MAN2A1: variants seen among roughly 807,000 people sequenced by gnomAD.
MAN2A1 encodes mannosidase alpha class 2A member 1.
MAN2A1 carries 76 observed loss-of-function variants against 142.6 expected under a neutral mutation model. That is an observed-to-expected ratio of 0.53 (90% CI 0.44 to 0.65). The LOEUF is 0.65. MAN2A1 is among the 30% of genes least tolerant of loss of function. The pLI is 0.00. For synonymous variants in MAN2A1, 559 were observed against 473.2 expected (o/e 1.18, Z -2.35); for missense variants, 1,311 against 1,365.1 (o/e 0.96, Z 0.62).
chr5:109,722,859 T>G (rs1751643264), intron 3 of MAN2A1, among the ~76,000 whole-genome samples: 1 of 152,180 alleles, frequency 6.6e-6, no homozygotes, highest in Non-Finnish European at 1.5e-5. Context: ...GTCTGTCATA[T>G]TTTAGACAGT....
In MAN2A1 at chr5:109,869,019, GT is replaced by G. The variant is rs1269186966; in HGVS notation, c.*2025del. ...TGGATCTGTCCCATGTCAGTCTGGGGTTTTATTCAGCTTGTGTTGCTACCAG... is the reference window on the plus strand; with the variant it reads ...TGGATCTGTCCCATGTCAGTCTGGGGTTTATTCAGCTTGTGTTGCTACCAG... On this transcript the variant is annotated 3_prime_UTR_variant, in exon 22 of 22. Transcript: ENST00000261483. 6.6e-6 allele frequency: 1 copy of G among 152,194 alleles called. No individual in the cohort carries two copies. Among genetic ancestry groups the G allele is most frequent in the Non-Finnish European group, 1.5e-5 (1 of 68,038 alleles). 9.4% of individuals were successfully genotyped at this position (152,194 alleles called of 1,614,324 possible).
intron 18 of MAN2A1, 112 bp downstream of exon 18, chr5:109,846,118 T>C (rs1755339031): frequency 1.1e-5 from 10 of 939,836 alleles, no homozygotes; most frequent in South Asian, 3.3e-5. Flanking sequence ...CTGTCTTCTT[T>C]TCAGCTTTTT....
chr5:109,781,640 A>G lies in MAN2A1; in HGVS notation c.1577+42A>G, dbSNP rs766945051. ...ATAGCTACATGTATTTTTTCACTTT[A>G]TATTATCATAATCTTTTTGTAGAGT... On this transcript the variant is annotated intron_variant, in intron 9 of 21. Coordinates refer to ENST00000261483, the MANE Select transcript of MAN2A1 (RefSeq NM_002372.4). The G allele has an allele frequency of 1.4e-5, 18 of 1,329,922 alleles. No individual in the cohort carries two copies. In the East Asian group the frequency reaches 3.5e-4, roughly 26 times the overall value. The allele number at this position is 1,329,922 out of a possible 1,614,324, so 82.4% of individuals were successfully genotyped here.
chr5:109,786,819 C>G (rs962331423), intron 10 of MAN2A1, among the ~76,000 whole-genome samples: 3 of 151,806 alleles, frequency 2.0e-5, no homozygotes, highest in African/African-American at 7.3e-5. Flanking sequence ...CATTTGGCTG[C>G]GAGTAATAGC....
chr5:109,861,550 A>T (rs569642578), intron 20 of MAN2A1, among the ~76,000 whole-genome samples: 17 of 152,356 alleles, frequency 1.1e-4, no homozygotes, highest in Middle Eastern at 6.8e-3. Flanking sequence ...CATTGTGCCA[A>T]GTGCTTTACA....
chr5:109,867,148 G>T lies in MAN2A1; in HGVS notation c.*150G>T, dbSNP rs1580329486. The T allele has an allele frequency of 7.9e-4, 108 of 137,546 alleles. No homozygotes were observed. Among genetic ancestry groups the T allele is most frequent in the Middle Eastern group, 1.4e-3 (1 of 736 alleles). 8.5% of individuals were successfully genotyped at this position (137,546 alleles called of 1,614,324 possible). The stretch of plus-strand genomic sequence containing the variant: ...GGGTTTTTTCTTTTTTCTTTTACCA[G>T]TACAGTAAGAAAAAAAAAAAAAAAA... On this transcript the variant is annotated 3_prime_UTR_variant, in exon 22 of 22. Transcript: ENST00000261483.
At chr5:109,721,661 G>A (rs1265613029) in intron 3 of MAN2A1, among the ~76,000 whole-genome samples, 1 of 152,204 alleles carries the variant, frequency 6.6e-6, no homozygotes, top group Admixed American at 6.5e-5. Context: ...TCTAAAATAT[G>A]TGTATTGAGA....
At chr5:109,780,003 A>G (rs547343168) in intron 8 of MAN2A1, among the ~76,000 whole-genome samples, 1 of 152,192 alleles carries the variant, frequency 6.6e-6, no homozygotes, top group East Asian at 1.9e-4. Context: ...TTGTCTTTGC[A>G]GTGAATAAGT....
chr5:109,714,703 C>T (rs1322755344), intron 2 of MAN2A1, among the ~76,000 whole-genome samples: 1 of 152,188 alleles, frequency 6.6e-6, no homozygotes, highest in Non-Finnish European at 1.5e-5. Flanking sequence ...AATTATTTGG[C>T]TTCTGGCCTC....
chr5:109,832,073 G>A (rs1314449877), intron 16 of MAN2A1, among the ~76,000 whole-genome samples: 1 of 147,340 alleles, frequency 6.8e-6, no homozygotes, highest in Non-Finnish European at 1.5e-5. Flanking sequence ...AATGATATAT[G>A]ATTTTATTCT....
rs567815250 is a variant in MAN2A1, at chr5:109,864,360, A to G, written c.3172-676A>G. 5 of 152,336 alleles carry G rather than the reference A, an allele frequency of 3.3e-5. No individual in the cohort carries two copies. In the East Asian group the frequency reaches 9.6e-4, roughly 29 times the overall value. 9.4% of individuals were successfully genotyped at this position (152,336 alleles called of 1,614,324 possible). A position where few individuals can be genotyped will look rare whatever the true frequency, so the allele number is the denominator to read the frequency against. ...TGGATATGAGAAATTTTATTGCAAG[A>G]AAAGGTATACTGACCCTCTTAGCTG... On this transcript the variant is annotated intron_variant, in intron 20 of 21. Coordinates refer to ENST00000261483, the MANE Select transcript of MAN2A1 (RefSeq NM_002372.4).
At chr5:109,838,102 T>G (rs1473471747) in intron 16 of MAN2A1, among the ~76,000 whole-genome samples, 1 of 152,154 alleles carries the variant, frequency 6.6e-6, no homozygotes, top group Admixed American at 6.5e-5. Context: ...GACTGGAATC[T>G]ACAGCATCTA....
At position 109,817,338 on chromosome 5, in the gene MAN2A1, C is replaced by T; in HGVS notation, c.2009C>T (p.Ser670Phe). Reference protein sequence around the residue: ...RISLVSVYVSSPTVQVFSASG... With the variant: ...RISLVSVYVSFPTVQVFSASG... The stretch of plus-strand genomic sequence containing the variant: ...TCGTTGGTCTCAGTCTATGTGAGTT[C>T]CCCGACAGTGCAAGTGTTCTCTGCT... Residue 670 changes from serine (S) to phenylalanine (F), a missense_variant, in exon 13 of 22, where the codon TCC becomes TTC. Ser to Phe is a radical substitution (Grantham distance 155). Coordinates refer to ENST00000261483, the MANE Select transcript of MAN2A1 (RefSeq NM_002372.4). The T allele has an allele frequency of 6.2e-7, 1 of 1,614,024 alleles. No individual in the cohort carries two copies. The highest frequency in any genetic ancestry group is 8.5e-7 in the Non-Finnish European group (1 of 1,179,984).
At chr5:109,794,532 G>C (rs1005762237) in intron 12 of MAN2A1, among the ~76,000 whole-genome samples, 3 of 152,114 alleles carry the variant, frequency 2.0e-5, no homozygotes, top group Admixed American at 6.6e-5. Flanking sequence ...GGCAATAATA[G>C]AATACAGGAT....
chr5:109,716,937 C>T (rs1237329782), intron 3 of MAN2A1, among the ~76,000 whole-genome samples: 1 of 152,114 alleles, frequency 6.6e-6, no homozygotes, highest in Non-Finnish European at 1.5e-5. Flanking sequence ...CAGATTCCTC[C>T]CTTCCCCCAC....
At chr5:109,756,538 A>G (rs563897351) in intron 5 of MAN2A1, among the ~76,000 whole-genome samples, 13 of 152,292 alleles carry the variant, frequency 8.5e-5, no homozygotes, top group African/African-American at 2.2e-4. Flanking sequence ...GAAGAAATGT[A>G]TAAGAATACT....
chr5:109,821,165 T>A (rs1243344605), intron 15 of MAN2A1, among the ~76,000 whole-genome samples: 2 of 152,226 alleles, frequency 1.3e-5, no homozygotes, highest in Non-Finnish European at 2.9e-5. Context: ...ATGTATTTCT[T>A]ATTGTCTTTT....
intron 5 of MAN2A1, among the ~76,000 whole-genome samples, chr5:109,761,453 T>C (rs889166995): frequency 6.6e-6 from 1 of 152,086 alleles, no homozygotes; most frequent in African/African-American, 2.4e-5. Flanking sequence ...GGTTTTCTTA[T>C]AGCCGTCTAT....
At position 109,724,198 on chromosome 5, in the gene MAN2A1, A is replaced by G. The variant is rs1277769591; in HGVS notation, c.536-5144A>G. Among the ~76,000 whole-genome samples the G allele has an allele frequency of 3.3e-5, 5 of 152,312 alleles. No homozygotes were observed. The East Asian group carries it at 9.6e-4, about 29-fold the overall frequency. The stretch of plus-strand genomic sequence containing the variant: ...TTGAAGGATTAAGGAGTGATGGAAG[A>G]AACCTGTTCGTCATTTTTTCATAGA... On this transcript the variant is annotated intron_variant, in intron 3 of 21. Transcript: ENST00000261483.
Sources: allele counts gnomAD v4.1 joint callset (sites outside exome capture counted in the v4.1 genomes callset), GRCh38; gene constraint gnomAD v4.1.1; transcripts MANE v1.5; gene names NCBI Gene and HGNC (gene_info 2026-07-23, HGNC 2026-07-21).